The following NSMAF variants were observed in gnomAD, a reference collection of about 807,000 sequenced individuals.
The protein encoded by NSMAF is neutral sphingomyelinase activation associated factor.
A neutral mutation model predicts 134.9 loss-of-function variants in NSMAF; 90 were observed. The ratio of observed to expected loss-of-function variants is 0.67; its 90% CI spans 0.56 to 0.79. NSMAF has a LOEUF of 0.79. Among genes scored for constraint, NSMAF ranks in the 30% least tolerant of loss-of-function variants. The pLI is 0.00. For synonymous variants in NSMAF, 358 were observed against 389.6 expected, an observed-to-expected ratio of 0.92 and a Z score of 0.96; for missense variants, 1,010 against 1,119.0, an observed-to-expected ratio of 0.90 and a Z score of 1.39.
chr8:58,644,485 G>A (rs1807400504), intron 1 of NSMAF, among the ~76,000 whole-genome samples: 1 of 152,178 alleles, frequency 6.6e-6, no homozygotes, highest in Non-Finnish European at 1.5e-5. Context: ...GAGACGATGT[G>A]GAGAAATAGG....
chr8:58,653,031 G>A (rs1293943785), intron 1 of NSMAF, among the ~76,000 whole-genome samples: 1 of 152,120 alleles, frequency 6.6e-6, no homozygotes, highest in Non-Finnish European at 1.5e-5. Flanking sequence ...CAATCTGTAG[G>A]TTTAAAATAG....
At chr8:58,632,273 G>C (rs2129145804) in intron 5 of NSMAF, among the ~76,000 whole-genome samples, 1 of 151,974 alleles carries the variant, frequency 6.6e-6, no homozygotes, top group African/African-American at 2.4e-5. Context: ...TCCTCCTTTT[G>C]CCATTTCTGT....
intron 26 of NSMAF, 121 bp from the exon 27 acceptor site, chr8:58,587,822 G>A: frequency 1.3e-6 from 1 of 767,800 alleles, no homozygotes; most frequent in South Asian, 1.7e-5. Flanking sequence ...ATAAAGTTAA[G>A]CTGCACAGTG....
At chr8:58,643,549 T>TTTTG (rs1807380445) in intron 1 of NSMAF, among the ~76,000 whole-genome samples, 1 of 137,764 alleles carries the variant, frequency 7.3e-6, no homozygotes, top group Non-Finnish European at 1.6e-5. Flanking sequence ...TTTTTTTTTT[T>TTTTG]GGGACGGAGT....
intron 6 of NSMAF, among the ~76,000 whole-genome samples, chr8:58,631,060 G>A (rs1404774690): frequency 6.6e-6 from 1 of 152,150 alleles, no homozygotes; most frequent in Non-Finnish European, 1.5e-5. Context: ...TTGTATCCAA[G>A]TCTACTCATA....
intron 16 of NSMAF, 75 bp from the exon 17 acceptor site, chr8:58,600,096 G>T: frequency 9.4e-7 from 1 of 1,067,406 alleles, no homozygotes; most frequent in South Asian, 1.3e-5. Flanking sequence ...GCACTTGGGG[G>T]CTGTTCTACA....
Position 58,590,872 on chromosome 8 carries a change from T to G in NSMAF, c.2014A>C (p.Asn672His), listed in dbSNP as rs775831900. ...TACTATTAAAATGAACTCACCATATTTGAAAATGATATACTTCTTTGTAGC... is the reference window on the plus strand; with the variant it reads ...TACTATTAAAATGAACTCACCATATGTGAAAATGATATACTTCTTTGTAGC... ...KMLQRSISFSNMALSSCLLLP... is the reference protein window; with the variant it reads ...KMLQRSISFSHMALSSCLLLP... The change falls in exon 24 of 31, where the codon AAT (asparagine) becomes CAT (histidine). Residue 672 changes from asparagine to histidine, a missense_variant. By Grantham distance (68) the Asn-to-His change is moderately conservative. Coordinates refer to ENST00000038176, the MANE Select transcript of NSMAF (RefSeq NM_003580.4). 1 of 1,559,652 alleles carries G rather than the reference T, an allele frequency of 6.4e-7. No homozygotes were observed. Among genetic ancestry groups the G allele is most frequent in the South Asian group, 1.1e-5 (1 of 89,750 alleles).
chr8:58,643,380 G>T (rs372318254), intron 1 of NSMAF, among the ~76,000 whole-genome samples: 2 of 152,130 alleles, frequency 1.3e-5, no homozygotes, highest in African/African-American at 2.4e-5. Flanking sequence ...AAAGCTCAGC[G>T]CTTTCCTACT....
chr8:58,634,923 C>T (rs1727590050), intron 5 of NSMAF, among the ~76,000 whole-genome samples: 1 of 152,144 alleles, frequency 6.6e-6, no homozygotes, highest in African/African-American at 2.4e-5. Context: ...AGAGCTGCAT[C>T]CCTTCATTTC....
At chr8:58,622,498 A>T (rs1156966208) in intron 9 of NSMAF, among the ~76,000 whole-genome samples, 1 of 151,894 alleles carries the variant, frequency 6.6e-6, no homozygotes, top group Admixed American at 6.6e-5. Flanking sequence ...GGTTCAAGCG[A>T]TTCTTCTGCC....
chr8:58,608,455 C>T (rs541241254), intron 10 of NSMAF, among the ~76,000 whole-genome samples: 1 of 152,250 alleles, frequency 6.6e-6, no homozygotes, highest in African/African-American at 2.4e-5. Flanking sequence ...TTCCGTGGTC[C>T]TCCTCCCAAG....
At chr8:58,586,177 A>C in intron 28 of NSMAF, among the ~76,000 whole-genome samples, 177 bp from the exon 29 acceptor site, 1 of 152,186 alleles carries the variant, frequency 6.6e-6, no homozygotes, top group South Asian at 2.1e-4. Context: ...TCCAAGATGT[A>C]AGGATGAGAT....
intron 5 of NSMAF, among the ~76,000 whole-genome samples, chr8:58,634,939 T>A (rs956252223): frequency 1.3e-5 from 2 of 152,176 alleles, no homozygotes; most frequent in Admixed American, 6.5e-5. Flanking sequence ...ATTTCAAGCC[T>A]CGTAAATCAT....
chr8:58,631,974 A>T (rs1245090527), intron 5 of NSMAF, among the ~76,000 whole-genome samples: 1 of 152,168 alleles, frequency 6.6e-6, no homozygotes, highest in African/African-American at 2.4e-5. Context: ...TTTCACATGC[A>T]CTGGGCCACT....
intron 26 of NSMAF, 92 bp from the exon 27 acceptor site, chr8:58,587,793 C>T: frequency 9.5e-7 from 1 of 1,050,148 alleles, no homozygotes; most frequent in Non-Finnish European, 1.4e-6. Context: ...TGCTCAATTT[C>T]CATTTAACAG....
rs531594470 is a variant in NSMAF at position 58,594,614 on chromosome 8, G to A, written c.1893-324C>T. On this transcript the variant is annotated intron_variant, in intron 22 of 30. Transcript: ENST00000038176. ...CCCCTCGTTTGACCATCACCAAAAG[G>A]ACAAACTCTTCTTCACAGTCACTTC... is the stretch of plus-strand genomic sequence containing the variant. 3.9e-5 allele frequency: 13 copies of A among 332,074 alleles called. No homozygotes were observed. In the South Asian group the frequency reaches 5.1e-4, roughly 13 times the overall value. 20.6% of individuals were successfully genotyped at this position (332,074 alleles called of 1,614,324 possible).
At position 58,633,501 on chromosome 8, in the gene NSMAF, T is replaced by C. The variant is rs928155776; in HGVS notation, c.333+1688A>G. On this transcript the variant is annotated intron_variant, in intron 5 of 30. Coordinates refer to ENST00000038176, the MANE Select transcript of NSMAF (RefSeq NM_003580.4). ...TTCTGTCTTGCTTTCATTTTCTTCA[T>C]AGCATTTGTTACCACCTGACATTAG... Among the ~76,000 whole-genome samples, 12 of 152,344 alleles carry C rather than the reference T, an allele frequency of 7.9e-5. No homozygotes were observed. The East Asian group carries it at 2.1e-3, about 27-fold the overall frequency.
intron 1 of NSMAF, among the ~76,000 whole-genome samples, chr8:58,658,018 G>A (rs536434580): frequency 6.6e-6 from 1 of 152,288 alleles, no homozygotes; most frequent in African/African-American, 2.4e-5. Context: ...CGAAATAACA[G>A]CCAGAACCAA....
At position 58,659,607 on chromosome 8, in the gene NSMAF, G is replaced by T. The variant is rs367561666; in HGVS notation, c.25C>A (p.Gln9Lys). Residue 9 changes from glutamine to lysine, a missense_variant, in exon 1 of 31, where the codon CAG (glutamine) becomes AAG (lysine). Gln to Lys is a moderately conservative substitution (Grantham distance 53). Coordinates refer to ENST00000038176, the MANE Select transcript of NSMAF (RefSeq NM_003580.4). MAFIRKKQQEQQLQLYSKE... is the reference protein window; with the variant it reads MAFIRKKQKEQQLQLYSKE... ...GAGTAGAGCTGCAGCTGCTGCTCCTGCTGCTTCTTCCGGATAAACGCCATG... is the reference window on the plus strand; with the variant it reads ...GAGTAGAGCTGCAGCTGCTGCTCCTTCTGCTTCTTCCGGATAAACGCCATG... 8.5e-5 allele frequency: 127 copies of T among 1,494,030 alleles called. No homozygotes were observed. The highest frequency in any genetic ancestry group is 1.1e-4 in the Non-Finnish European group (122 of 1,125,146). The allele number at this position is 1,494,030 out of a possible 1,614,324, so 92.5% of individuals were successfully genotyped here. A position where few individuals can be genotyped will look rare whatever the true frequency, so the allele number is the denominator to read the frequency against.
Sources: gnomAD v4.1 joint callset for allele counts (sites outside exome capture counted in the v4.1 genomes callset) on GRCh38, gnomAD v4.1.1 for gene constraint, MANE v1.5 for transcripts, NCBI Gene and HGNC (gene_info 2026-07-23, HGNC 2026-07-21) for gene names.